The following MTA1 variants were observed in gnomAD, a reference collection of about 807,000 sequenced individuals.
The protein encoded by MTA1 is metastasis-associated protein MTA1.
MTA1 carries 15 observed loss-of-function variants against 97.0 expected under a neutral mutation model. The ratio of observed to expected loss-of-function variants is 0.15; its 90% confidence interval spans 0.10 to 0.24. The LOEUF is 0.24. MTA1 is among the 10% of genes least tolerant of loss of function. The pLI is 1.00. For missense variants in MTA1, 709 were observed against 1,015.1 expected (o/e 0.70, Z 4.10); for synonymous variants, 435 against 417.5 (o/e 1.04, Z -0.51).
intron 2 of MTA1, 90 bp downstream of exon 2, chr14:105,438,829 C>T: frequency 7.4e-7 from 1 of 1,355,466 alleles, no homozygotes; most frequent in African/African-American, 1.4e-5. Context: ...TGGGTGGCCC[C>T]CTTTCGGGGC....
chr14:105,436,759 GAATTT>G (rs2082337556), intron 1 of MTA1, among the ~76,000 whole-genome samples: 1 of 152,138 alleles, frequency 6.6e-6, no homozygotes, highest in Non-Finnish European at 1.5e-5. Context: ...GCATTGTTTT[GAATTT>G]AATTTATTTG....
intron 13 of MTA1, 111 bp downstream of exon 13, chr14:105,464,258 G>A (rs1156961867): frequency 3.1e-5 from 43 of 1,402,028 alleles, no homozygotes; most frequent in East Asian, 4.9e-5. Context: ...GCCCACTGAC[G>A]ATGGGGGCTG....
At chr14:105,469,588 G>A (rs2083746325) in intron 19 of MTA1, 90 bp downstream of exon 19, 1 of 1,477,798 alleles carries the variant, frequency 6.8e-7, no homozygotes, top group Non-Finnish European at 9.4e-7. Context: ...CCTGCCAGGT[G>A]CCACGTGGAA....
Position 105,422,137 on chromosome 14 carries a change from C to G in MTA1, c.28+2074C>G, listed in dbSNP as rs587737011. Among the ~76,000 whole-genome samples the G allele has an allele frequency of 6.6e-6, 1 of 152,192 alleles. No homozygotes were observed. The highest frequency in any genetic ancestry group is 1.5e-5 in the Non-Finnish European group (1 of 68,034). ...TGTCAGGCCCCCCACGTGCCCGCCC[C>G]GAGGACTTCCTCTCCCTGCAGGTGA... On this transcript the variant is annotated intron_variant, in intron 1 of 20. Coordinates refer to ENST00000331320, the MANE Select transcript of MTA1 (RefSeq NM_004689.4). The surrounding 1 kb of genome is among the most constrained non-coding windows in gnomAD (Gnocchi z 4.3).
At chr14:105,467,096 C>A in intron 18 of MTA1, 2 of 440,866 alleles carry the variant, frequency 4.5e-6, no homozygotes. Context: ...GCAATCCTTC[C>A]GTGCGCCTGC....
intron 18 of MTA1, chr14:105,467,011 T>A: frequency 1.8e-6 from 1 of 555,672 alleles, no homozygotes; most frequent in South Asian, 2.1e-5. Flanking sequence ...CGCCCCTGCC[T>A]GCGCTGTCTG....
chr14:105,424,493 G>A lies in MTA1; in HGVS notation c.28+4430G>A, dbSNP rs781972690. Among the ~76,000 whole-genome samples, 4 of 149,964 alleles carry A rather than the reference G, an allele frequency of 2.7e-5. No individual in the cohort carries two copies. Among genetic ancestry groups the A allele is most frequent in the Non-Finnish European group, 5.9e-5 (4 of 67,782 alleles). ...TGGGATTACAGGCGTGAGCCACTGC[G>A]TCTGGCTTTTTTTTTTGTTTTTGAG... is the stretch of plus-strand genomic sequence containing the variant. On this transcript the variant is annotated intron_variant, in intron 1 of 20. Coordinates refer to ENST00000331320, the MANE Select transcript of MTA1 (RefSeq NM_004689.4). The surrounding 1 kb of genome is among the most constrained non-coding windows in gnomAD (Gnocchi z 4.0).
rs2081775260 is a variant in MTA1, at chr14:105,420,121, C to T, written c.28+58C>T. 2 of 868,710 alleles carry T rather than the reference C, an allele frequency of 2.3e-6. No individual in the cohort carries two copies. Among genetic ancestry groups the T allele is most frequent in the Non-Finnish European group, 2.8e-6 (2 of 718,278 alleles). 53.8% of individuals were successfully genotyped at this position (868,710 alleles called of 1,614,324 possible). On this transcript the variant is annotated intron_variant, in intron 1 of 20. Coordinates refer to ENST00000331320, the MANE Select transcript of MTA1 (RefSeq NM_004689.4). The surrounding 1 kb of genome is among the most constrained non-coding windows in gnomAD (Gnocchi z 5.3). ...ACCCGCCCGCAGCCCCCACCCGCCG[C>T]CGCTGCCGCCTCCCCCGCCCCTCTG...
chr14:105,458,298 G>C lies in MTA1; in HGVS notation c.579G>C (p.Arg193Ser). 6.2e-7 allele frequency: 1 copy of C among 1,612,738 alleles called. No individual in the cohort carries two copies. Among genetic ancestry groups the C allele is most frequent in the Non-Finnish European group, 8.5e-7 (1 of 1,179,928 alleles). The change falls in exon 8 of 21, where the codon AGG becomes AGC. Residue 193 changes from arginine to serine, a missense_variant. Physicochemically the swap from Arg to Ser is moderately radical, Grantham distance 110. Around this residue, in one of 2 missense-constraint regions of MTA1, gnomAD observed 321 missense variants for 593.5 expected, o/e 0.54. Transcript: ENST00000331320. ...EGEEDGRDQS[R>S]LETQVWEAHN... is the part of the protein sequence containing the mutation. ...AGGAGGATGGCCGAGACCAGTCCAG[G>C]TTGGAGACCCAGGTGTGGGAGGCGC... is the stretch of plus-strand genomic sequence containing the variant.
chr14:105,449,958 G>A, intron 4 of MTA1, 100 bp from the exon 5 acceptor site: 1 of 1,537,072 alleles, frequency 6.5e-7, no homozygotes, highest in Non-Finnish European at 8.9e-7. Context: ...TCCCAGGACT[G>A]GGCCTCCTGC....
Position 105,437,923 on chromosome 14 carries a change from C to T in MTA1, c.29-749C>T, listed in dbSNP as rs955134531. On this transcript the variant is annotated intron_variant, in intron 1 of 20. Coordinates refer to ENST00000331320, the MANE Select transcript of MTA1 (RefSeq NM_004689.4). ...TAAGCCTCTGGGCTCCGGAAGGTTC[C>T]GTGGCTCTCTGTCTGTGGAGCTGGT... 4.6e-5 allele frequency among the ~76,000 whole-genome samples: 7 copies of T among 152,202 alleles called. No homozygotes were observed. In the East Asian group the frequency reaches 5.8e-4, roughly 13 times the overall value.
intron 6 of MTA1, among the ~76,000 whole-genome samples, chr14:105,452,114 G>C (rs1271229534): frequency 6.6e-6 from 1 of 152,114 alleles, no homozygotes; most frequent in Non-Finnish European, 1.5e-5. Context: ...TTTCTTACCT[G>C]GGGTTTCTGA....
At chr14:105,468,382 G>C (rs1440549612) in intron 18 of MTA1, 2 of 1,303,654 alleles carry the variant, frequency 1.5e-6, no homozygotes, top group African/African-American at 3.0e-5. Context: ...GCCAGCCCTG[G>C]GCGCTGGGCC....
chr14:105,454,386 G>T, intron 7 of MTA1, 76 bp downstream of exon 7: 3 of 1,051,072 alleles, frequency 2.9e-6, no homozygotes, highest in African/African-American at 3.1e-5. Context: ...GTGAGAGGAG[G>T]CTGGGACATG....
chr14:105,449,262 C>A, intron 3 of MTA1, 97 bp from the exon 4 acceptor site: 1 of 1,312,306 alleles, frequency 7.6e-7, no homozygotes, highest in Admixed American at 2.3e-5. Context: ...TCTGCCCTGC[C>A]CCCTGGCGGC....
In MTA1 at chr14:105,463,719, G is replaced by T; in HGVS notation, c.1076+168G>T. On this transcript the variant is annotated intron_variant, in intron 12 of 20. Coordinates refer to ENST00000331320, the MANE Select transcript of MTA1 (RefSeq NM_004689.4). This position sits in a 1 kb window ranked among gnomAD's most constrained non-coding sequence, Gnocchi z 5.9. ...GGGCTGGGGGGTTCTGGCTGCAGAC[G>T]CAGTGGCCATGTCTCTGTCGTCCTG... The T allele has an allele frequency of 1.5e-6, 1 of 663,256 alleles. No individual in the cohort carries two copies. Among genetic ancestry groups the T allele is most frequent in the South Asian group, 1.8e-5 (1 of 54,658 alleles). 41.1% of individuals were successfully genotyped at this position (663,256 alleles called of 1,614,324 possible). A position where few individuals can be genotyped will look rare whatever the true frequency, so the allele number is the denominator to read the frequency against.
chr14:105,466,074 G>C, intron 16 of MTA1: 1 of 255,784 alleles, frequency 3.9e-6, no homozygotes, highest in Non-Finnish European at 7.5e-6. Context: ...CAGCAGCTCC[G>C]GGGGCCTGGA....
At position 105,460,761 on chromosome 14, in the gene MTA1, G is replaced by T; in HGVS notation, c.754-4G>T. The T allele has an allele frequency of 6.4e-7, 1 of 1,568,114 alleles. No individual in the cohort carries two copies. ...CCGGGTGACCCTGCTGTCTCCTGCC[G>T]CAGTTCCACGCCATGGATACTCTCC... is the stretch of plus-strand genomic sequence containing the variant. On this transcript the variant is annotated splice_region_variant and splice_polypyrimidine_tract_variant and intron_variant, in intron 9 of 20. Transcript: ENST00000331320.
At chr14:105,436,397 A>AT (rs1228049802) in intron 1 of MTA1, among the ~76,000 whole-genome samples, 2 of 152,108 alleles carry the variant, frequency 1.3e-5, no homozygotes, top group Non-Finnish European at 2.9e-5. Flanking sequence ...TTAAGGCATA[A>AT]TTTACATTCA....
Sources: gnomAD v4.1 joint callset for allele counts (sites outside exome capture counted in the v4.1 genomes callset) on GRCh38, gnomAD v4.1.1 for gene constraint, gnomAD v4.1.1 regional missense constraint, Gnocchi (gnomAD v3.1) non-coding constraint, MANE v1.5 for transcripts, NCBI Gene and HGNC (gene_info 2026-07-23, HGNC 2026-07-21) for gene names.